The following ARMC8 variants were observed in gnomAD, a reference collection of about 807,000 sequenced individuals.
ARMC8 encodes armadillo repeat containing 8, also known as armadillo repeat-containing protein 8.
Under a neutral mutation model 99.3 loss-of-function variants are expected in ARMC8, and 20 were observed. The ratio of observed to expected loss-of-function variants is 0.20; its 90% CI spans 0.14 to 0.29. The LOEUF (loss-of-function observed/expected upper bound fraction) is 0.29. Ranked by LOEUF, ARMC8 falls within the 10% of genes least tolerant of loss-of-function variation. The probability of loss-of-function intolerance (pLI) is 1.00; values close to 1 mark genes in which losing one functional copy is unlikely to be tolerated. For missense variants in ARMC8, 569 were observed against 809.5 expected (o/e 0.70, Z 3.60); for synonymous variants, 263 against 278.3 (o/e 0.95, Z 0.55).
At chr3:138,243,570 C>T (rs2046733290) in intron 11 of ARMC8, among the ~76,000 whole-genome samples, 1 of 152,010 alleles carries the variant, frequency 6.6e-6, no homozygotes, top group Non-Finnish European at 1.5e-5. Context: ...TCCTATAATC[C>T]ATCAGTGTCT....
intron 14 of ARMC8, among the ~76,000 whole-genome samples, chr3:138,266,874 C>T (rs1256476711): frequency 6.6e-6 from 1 of 152,182 alleles, no homozygotes; most frequent in Non-Finnish European, 1.5e-5. Context: ...AAGCATTTCA[C>T]ATAAGAGTAT....
intron 1 of ARMC8, among the ~76,000 whole-genome samples, chr3:138,196,875 A>T (rs56405649): frequency 0.022 from 3,364 of 151,876 alleles, 54 homozygotes; most frequent in Non-Finnish European, 0.033. Context: ...CTCAAAAAAA[A>T]TTTTTTTTTA....
Position 138,296,026 on chromosome 3 carries a change from G to T in ARMC8, c.*134G>T. On this transcript the variant is annotated 3_prime_UTR_variant, in exon 22 of 22. Coordinates refer to ENST00000469044, the MANE Select transcript of ARMC8 (RefSeq NM_001363941.2). Reference sequence around the variant, plus strand: ...GGAGCTGTTTTGCAAAAGCAGTTTAGTAGGCTTAGATCTCAAATTCATCTT... The same window carrying T: ...GGAGCTGTTTTGCAAAAGCAGTTTATTAGGCTTAGATCTCAAATTCATCTT... 1.3e-6 allele frequency: 1 copy of T among 778,338 alleles called. No homozygotes were observed. Among genetic ancestry groups the T allele is most frequent in the Non-Finnish European group, 2.0e-6 (1 of 505,360 alleles). 48.2% of individuals were successfully genotyped at this position (778,338 alleles called of 1,614,324 possible). A position where few individuals can be genotyped will look rare whatever the true frequency, so the allele number is the denominator to read the frequency against.
At chr3:138,273,621 C>T (rs939570413) in intron 17 of ARMC8, among the ~76,000 whole-genome samples, 1 of 152,136 alleles carries the variant, frequency 6.6e-6, no homozygotes, top group Admixed American at 6.5e-5. Context: ...GGTGGGATAC[C>T]TCTCAATGTT....
At chr3:138,262,683 T>TA (rs111720907) in intron 12 of ARMC8, 18,996 of 1,040,368 alleles carry the variant, frequency 0.018, 810 homozygotes, top group African/African-American at 0.18. Context: ...GACATAGGAT[T>TA]AAAAAAAAAA....
intron 13 of ARMC8, 71 bp downstream of exon 13, chr3:138,263,892 A>G (rs1576838998): frequency 7.6e-7 from 1 of 1,313,316 alleles, no homozygotes; most frequent in Non-Finnish European, 1.1e-6. Flanking sequence ...CTGGTCCTTC[A>G]CTGAGTAAAC....
At chr3:138,234,795 A>G (rs571630398) in intron 6 of ARMC8, among the ~76,000 whole-genome samples, 6 of 152,274 alleles carry the variant, frequency 3.9e-5, no homozygotes, top group Non-Finnish European at 7.4e-5. Flanking sequence ...GCCCACTTCT[A>G]TATTTCTAGG....
At chr3:138,206,308 T>G (rs2044367897) in intron 1 of ARMC8, among the ~76,000 whole-genome samples, 1 of 152,240 alleles carries the variant, frequency 6.6e-6, no homozygotes, top group Admixed American at 6.5e-5. Context: ...CAAAATTCAC[T>G]TCCTAGCCAC....
intron 2 of ARMC8, among the ~76,000 whole-genome samples, chr3:138,214,424 T>C (rs1474820152): frequency 1.3e-5 from 2 of 151,842 alleles, no homozygotes; most frequent in Non-Finnish European, 2.9e-5. Flanking sequence ...ATGATATGAG[T>C]TTATTTTGGT....
chr3:138,279,688 G>T (rs910106693), intron 18 of ARMC8, among the ~76,000 whole-genome samples: 1 of 152,168 alleles, frequency 6.6e-6, no homozygotes, highest in African/African-American at 2.4e-5. Flanking sequence ...TTGTGGAAAG[G>T]TGTTTAACTA....
intron 1 of ARMC8, among the ~76,000 whole-genome samples, chr3:138,199,315 A>C (rs2043919587): frequency 6.6e-6 from 1 of 152,228 alleles, no homozygotes; most frequent in Non-Finnish European, 1.5e-5. Flanking sequence ...ATAAAACCAA[A>C]AAAGCCTACA....
intron 2 of ARMC8, among the ~76,000 whole-genome samples, chr3:138,210,127 A>C (rs1484856801): frequency 6.6e-6 from 1 of 152,224 alleles, no homozygotes; most frequent in Non-Finnish European, 1.5e-5. Context: ...CTTGTTTCAC[A>C]TTAAAAAAAT....
intron 7 of ARMC8, 67 bp downstream of exon 7, chr3:138,235,181 TA>T: frequency 1.8e-6 from 2 of 1,092,968 alleles, no homozygotes; most frequent in Non-Finnish European, 1.4e-6. Flanking sequence ...CAGACCCACA[TA>T]TTTTTATTGT....
intron 12 of ARMC8, among the ~76,000 whole-genome samples, chr3:138,253,542 G>GA (rs1224727626): frequency 6.6e-6 from 1 of 152,166 alleles, no homozygotes; most frequent in Non-Finnish European, 1.5e-5. Flanking sequence ...TTTTACTGAA[G>GA]AGTATATGAT....
chr3:138,200,375 A>G (rs1396691737), intron 1 of ARMC8, among the ~76,000 whole-genome samples: 1 of 152,228 alleles, frequency 6.6e-6, no homozygotes, highest in Non-Finnish European at 1.5e-5. Flanking sequence ...TCCTACCAGG[A>G]CAAAATACCA....
intron 10 of ARMC8, among the ~76,000 whole-genome samples, 170 bp from the exon 11 acceptor site, chr3:138,241,613 T>G (rs2046628528): frequency 6.6e-6 from 1 of 152,200 alleles, no homozygotes; most frequent in Non-Finnish European, 1.5e-5. Context: ...TGTACTGAAT[T>G]TTGCTTGTTT....
At chr3:138,295,389 C>G (rs2051386548) in intron 21 of ARMC8, among the ~76,000 whole-genome samples, 1 of 152,202 alleles carries the variant, frequency 6.6e-6, no homozygotes, top group Non-Finnish European at 1.5e-5. Context: ...TTGGCCCCTT[C>G]CATGCACCTT....
chr3:138,193,329 C>T (rs1271315543), intron 1 of ARMC8, among the ~76,000 whole-genome samples: 1 of 151,784 alleles, frequency 6.6e-6, no homozygotes, highest in Non-Finnish European at 1.5e-5. Context: ...GGTGTGATCT[C>T]AGCTCACTGC....
chr3:138,258,662 A>G (rs2047520280), intron 12 of ARMC8, among the ~76,000 whole-genome samples: 1 of 152,058 alleles, frequency 6.6e-6, no homozygotes, highest in Non-Finnish European at 1.5e-5. Flanking sequence ...ATCCTTATCC[A>G]CTCCTGCAAG....
Sources: allele counts gnomAD v4.1 joint callset (sites outside exome capture counted in the v4.1 genomes callset), GRCh38; gene constraint gnomAD v4.1.1; transcripts MANE v1.5; gene names NCBI Gene and HGNC (gene_info 2026-07-23, HGNC 2026-07-21).